The following KIZ variants were observed in gnomAD, a reference collection of about 807,000 sequenced individuals.
The protein encoded by KIZ is centrosomal protein kizuna.
In KIZ, 68 loss-of-function variants were observed where a neutral mutation model predicts 79.6. The ratio of observed to expected loss-of-function variants is 0.85; its 90% CI spans 0.70 to 1.05. The LOEUF is 1.05. Among genes scored for constraint, KIZ ranks in the 50% least tolerant of loss-of-function variants. KIZ has a pLI of 0.00. For synonymous variants in KIZ, 280 were observed against 281.8 expected (o/e 0.99, Z 0.06); for missense variants, 797 against 800.4 (o/e 1.00, Z 0.05).
At chr20:21,140,084 G>A (rs747066980) in intron 3 of KIZ, among the ~76,000 whole-genome samples, 2 of 152,186 alleles carry the variant, frequency 1.3e-5, no homozygotes, top group African/African-American at 4.8e-5. Context: ...GCAGTGAGCT[G>A]AGGTTCAACA....
At chr20:21,154,679 A>G (rs776582473) in intron 4 of KIZ, among the ~76,000 whole-genome samples, 14 of 152,352 alleles carry the variant, frequency 9.2e-5, no homozygotes, top group Middle Eastern at 3.4e-3. Flanking sequence ...CTGTCTCTCA[A>G]AAACTTTTGA....
intron 1 of KIZ, among the ~76,000 whole-genome samples, chr20:21,130,868 A>G (rs1480983769): frequency 1.3e-5 from 2 of 152,254 alleles, no homozygotes; most frequent in Non-Finnish European, 2.9e-5. Flanking sequence ...GAAGATATAT[A>G]GAAACTGATA....
Position 21,215,492 on chromosome 20 carries a change from A to C in KIZ, c.1613-91A>C, listed in dbSNP as rs1282280735. On this transcript the variant is annotated intron_variant, in intron 8 of 12. Coordinates refer to ENST00000619189, the MANE Select transcript of KIZ (RefSeq NM_018474.6). ...CAAGAAATACATTAACCAAAAAAAA[A>C]AAAAGTGAACATAAAGGGAAGGACA... 5 of 661,018 alleles carry C rather than the reference A, an allele frequency of 7.6e-6. No homozygotes were observed. The East Asian group carries it at 1.5e-4, about 19-fold the overall frequency. 40.9% of individuals were successfully genotyped at this position (661,018 alleles called of 1,614,324 possible).
chr20:21,166,093 A>G, intron 6 of KIZ: 2 of 656,868 alleles, frequency 3.0e-6, no homozygotes, highest in Non-Finnish European at 5.2e-6. Context: ...CAGCCTCCTG[A>G]GTAGCTGGGA....
At chr20:21,172,723 G>A (rs1041750946) in intron 6 of KIZ, among the ~76,000 whole-genome samples, 1 of 152,162 alleles carries the variant, frequency 6.6e-6, no homozygotes, top group Non-Finnish European at 1.5e-5. Flanking sequence ...AGTTGAGTAG[G>A]ACCTGAAGTG....
intron 7 of KIZ, 65 bp downstream of exon 7, chr20:21,205,649 A>C: frequency 1.5e-6 from 1 of 659,572 alleles, no homozygotes; most frequent in Non-Finnish European, 2.5e-6. Context: ...AAGGTTAGTA[A>C]TTTTTATTTA....
intron 6 of KIZ, chr20:21,197,417 G>C (rs1210525783): frequency 6.6e-6 from 1 of 152,218 alleles, no homozygotes; most frequent in Non-Finnish European, 1.5e-5. Context: ...ACTTCAGCCA[G>C]AAGTTTTCAA....
intron 9 of KIZ, among the ~76,000 whole-genome samples, chr20:21,223,974 G>A (rs190462036): frequency 3.3e-5 from 5 of 151,540 alleles, no homozygotes; most frequent in African/African-American, 1.2e-4. Context: ...CACTGCACCC[G>A]GCCTTATTTC....
chr20:21,166,675 C>G, intron 6 of KIZ: 1 of 667,046 alleles, frequency 1.5e-6, no homozygotes, highest in South Asian at 1.9e-5. Flanking sequence ...TCAGGCTGGT[C>G]TTGTACTCCC....
chr20:21,141,247 G>A (rs552254380), intron 3 of KIZ, among the ~76,000 whole-genome samples: 230 of 152,176 alleles, frequency 1.5e-3, no homozygotes, highest in Non-Finnish European at 2.0e-3. Flanking sequence ...GGGATTTGAC[G>A]GTAAGTGGTT....
chr20:21,205,757 T>G (rs111888041), intron 7 of KIZ, among the ~76,000 whole-genome samples, 173 bp downstream of exon 7: 2,733 of 151,870 alleles, frequency 0.018, 86 homozygotes, highest in African/African-American at 0.063. Flanking sequence ...GGTCAAGAGA[T>G]CGAGACCATT....
chr20:21,174,407 T>C (rs2034348247), intron 6 of KIZ, among the ~76,000 whole-genome samples: 1 of 152,232 alleles, frequency 6.6e-6, no homozygotes, highest in African/African-American at 2.4e-5. Context: ...TACCCTATGC[T>C]GTCTCCCAGT....
chr20:21,152,639 G>C (rs977638770), intron 4 of KIZ, among the ~76,000 whole-genome samples: 2 of 152,132 alleles, frequency 1.3e-5, no homozygotes, highest in Non-Finnish European at 2.9e-5. Flanking sequence ...CTTAGGAAGT[G>C]TTACTTGAAA....
chr20:21,217,743 A>C (rs1348141949), intron 9 of KIZ, among the ~76,000 whole-genome samples: 3 of 152,236 alleles, frequency 2.0e-5, no homozygotes, highest in Admixed American at 1.3e-4. Context: ...AGCAGATACT[A>C]GACACTCAAT....
At chr20:21,168,352 T>C (rs1304755003) in intron 6 of KIZ, among the ~76,000 whole-genome samples, 1 of 152,164 alleles carries the variant, frequency 6.6e-6, no homozygotes, top group Admixed American at 6.5e-5. Context: ...CCAAGTTACA[T>C]TTGGATTGGT....
intron 6 of KIZ, chr20:21,193,985 C>T (rs1336027277): frequency 6.6e-6 from 1 of 151,816 alleles, no homozygotes; most frequent in Non-Finnish European, 1.5e-5. Flanking sequence ...TGCACATGTA[C>T]CCTAAAACTT....
chr20:21,159,258 A>G (rs1431994872), intron 4 of KIZ, among the ~76,000 whole-genome samples: 5 of 152,014 alleles, frequency 3.3e-5, no homozygotes, highest in Non-Finnish European at 5.9e-5. Context: ...GGCTCAAGCA[A>G]TCCTCCCATC....
chr20:21,227,847 A>C (rs996612677), intron 9 of KIZ, among the ~76,000 whole-genome samples: 1 of 152,192 alleles, frequency 6.6e-6, no homozygotes, highest in Non-Finnish European at 1.5e-5. Context: ...AGATTTTTCA[A>C]AATACTAGTT....
At chr20:21,199,535 C>T (rs769446411) in intron 6 of KIZ, among the ~76,000 whole-genome samples, 2 of 152,162 alleles carry the variant, frequency 1.3e-5, no homozygotes, top group Admixed American at 1.3e-4. Flanking sequence ...AAAAAAGTGC[C>T]AAGTGTTTGT....
Sources: gnomAD v4.1 joint callset for allele counts (sites outside exome capture counted in the v4.1 genomes callset) on GRCh38, gnomAD v4.1.1 for gene constraint, MANE v1.5 for transcripts, NCBI Gene and HGNC (gene_info 2026-07-23, HGNC 2026-07-21) for gene names.